The following RANBP2 variants were observed in gnomAD, a reference collection of about 807,000 sequenced individuals.
RANBP2 encodes E3 SUMO-protein ligase RanBP2.
Under a neutral mutation model 303.6 loss-of-function variants are expected in RANBP2, and 57 were observed. That is an observed-to-expected ratio of 0.19 (90% CI 0.15 to 0.23). The LOEUF is 0.23. Among genes scored for constraint, RANBP2 ranks in the 10% least tolerant of loss-of-function variants. The pLI is 1.00. For missense variants in RANBP2, 3,138 were observed against 3,780.8 expected (o/e 0.83, Z 4.46); for synonymous variants, 1,167 against 1,301.5 (o/e 0.90, Z 2.23).
chr2:109,484,357 C>A, the RANBP2 span, among the ~76,000 whole-genome samples: 5 of 152,258 alleles, frequency 3.3e-5, no homozygotes, highest in South Asian at 2.1e-4. Context: ...ATGAGCCACC[C>A]TGCCTGGTCA....
the RANBP2 span, among the ~76,000 whole-genome samples, chr2:109,015,700 G>A: frequency 2.0e-5 from 3 of 152,146 alleles, no homozygotes; most frequent in African/African-American, 7.2e-5. Flanking sequence ...GGAGGTTGCA[G>A]TGAGCCGAGA....
the RANBP2 span, among the ~76,000 whole-genome samples, chr2:108,862,598 T>C: frequency 6.6e-6 from 1 of 152,240 alleles, no homozygotes; most frequent in Non-Finnish European, 1.5e-5. Context: ...GGATATGTTA[T>C]TTGGTTTGAT....
At chr2:109,269,771 GGAGGGGT>G in the RANBP2 span, among the ~76,000 whole-genome samples, 1 of 152,166 alleles carries the variant, frequency 6.6e-6, no homozygotes, top group African/African-American at 2.4e-5. Flanking sequence ...AGAGCAGCCG[GGAGGGGT>G]GAGGGGAACT....
At chr2:109,359,095 G>A in the RANBP2 span, among the ~76,000 whole-genome samples, 1 of 152,106 alleles carries the variant, frequency 6.6e-6, no homozygotes, top group Non-Finnish European at 1.5e-5. Flanking sequence ...CTGTATTTAT[G>A]TGGGTTTATT....
chr2:108,849,031 C>G, the RANBP2 span, among the ~76,000 whole-genome samples: 1 of 151,872 alleles, frequency 6.6e-6, no homozygotes, highest in East Asian at 1.9e-4. Context: ...ATGGAAGATA[C>G]GGGATAAAAA....
chr2:108,820,931 C>G, the RANBP2 span, among the ~76,000 whole-genome samples: 13 of 151,968 alleles, frequency 8.6e-5, no homozygotes, highest in Admixed American at 3.9e-4. Context: ...AATAAATGGA[C>G]AAATATAGTA....
At chr2:109,070,109 C>T in the RANBP2 span, among the ~76,000 whole-genome samples, 7 of 152,118 alleles carry the variant, frequency 4.6e-5, no homozygotes, top group Non-Finnish European at 5.9e-5. Context: ...AGAGACTATA[C>T]GTTCAAAGGG....
chr2:109,363,962 G>C, the RANBP2 span, among the ~76,000 whole-genome samples: 2 of 152,064 alleles, frequency 1.3e-5, no homozygotes, highest in African/African-American at 4.8e-5. Context: ...TATCCTGCTT[G>C]TTGTTCTCTG....
chr2:109,322,177 G>C, the RANBP2 span, among the ~76,000 whole-genome samples: 3 of 152,104 alleles, frequency 2.0e-5, no homozygotes, highest in African/African-American at 7.2e-5. Flanking sequence ...ATACACAGGA[G>C]ACTCAGCGCC....
At chr2:109,309,376 G>A in the RANBP2 span, among the ~76,000 whole-genome samples, 15 of 147,686 alleles carry the variant, frequency 1.0e-4, no homozygotes, top group African/African-American at 3.7e-4. Flanking sequence ...AGGAACAACC[G>A]GTACCAGCTG....
chr2:109,728,581 G>A, the RANBP2 span, among the ~76,000 whole-genome samples: 1 of 151,014 alleles, frequency 6.6e-6, no homozygotes, highest in South Asian at 2.1e-4. Context: ...TTAGCCTCCC[G>A]AGTAGCAGGG....
intron 8 of RANBP2, among the ~76,000 whole-genome samples, chr2:108,747,192 C>T (rs539522944): frequency 5.9e-5 from 9 of 152,106 alleles, no homozygotes; most frequent in Non-Finnish European, 1.2e-4. Flanking sequence ...GAGCTGAGAG[C>T]GTAGGGAGGA....
At chr2:109,222,729 A>G in the RANBP2 span, among the ~76,000 whole-genome samples, 1 of 152,180 alleles carries the variant, frequency 6.6e-6, no homozygotes, top group Non-Finnish European at 1.5e-5. Flanking sequence ...CCTTTCTTCT[A>G]CCACTGACAT....
chr2:109,704,158 T>C, the RANBP2 span, among the ~76,000 whole-genome samples: 5 of 152,208 alleles, frequency 3.3e-5, no homozygotes, highest in African/African-American at 1.2e-4. Flanking sequence ...GAGAAACCCC[T>C]TTTTAGTGAG....
the RANBP2 span, among the ~76,000 whole-genome samples, chr2:109,518,915 CTTTTTTTTTTT>C: frequency 1.8e-5 from 2 of 110,998 alleles, no homozygotes; most frequent in Non-Finnish European, 3.5e-5. Flanking sequence ...TGCTACATAT[CTTTTTTTTTTT>C]TTTTTTTTTT....
the RANBP2 span, among the ~76,000 whole-genome samples, chr2:109,358,838 A>G: frequency 6.6e-6 from 1 of 152,198 alleles, no homozygotes; most frequent in Non-Finnish European, 1.5e-5. Context: ...TTTTGGTGCT[A>G]TATCCAAAAA....
At chr2:109,430,589 C>T in the RANBP2 span, among the ~76,000 whole-genome samples, 1 of 152,176 alleles carries the variant, frequency 6.6e-6, no homozygotes, top group Non-Finnish European at 1.5e-5. Flanking sequence ...CTCTCCTCCC[C>T]TCCAGCTTCC....
chr2:108,902,433 C>T, the RANBP2 span, among the ~76,000 whole-genome samples: 9,102 of 152,116 alleles, frequency 0.06, 349 homozygotes, highest in South Asian at 0.15. Flanking sequence ...TAGGTCCTCA[C>T]GATTTCACTG....
chr2:108,778,848 C>T (rs1303283767), intron 25 of RANBP2, among the ~76,000 whole-genome samples: 1 of 151,836 alleles, frequency 6.6e-6, no homozygotes, highest in African/African-American at 2.4e-5. Flanking sequence ...TCCACCTCAG[C>T]TTCCCAAGTA....
Sources: allele counts gnomAD v4.1 joint callset (sites outside exome capture counted in the v4.1 genomes callset), GRCh38; gene constraint gnomAD v4.1.1; transcripts MANE v1.5; gene names NCBI Gene and HGNC (gene_info 2026-07-23, HGNC 2026-07-21).